CEP95: variants seen among roughly 807,000 people sequenced by gnomAD.
CEP95 encodes the protein centrosomal protein of 95 kDa.
A neutral mutation model predicts 111.2 loss-of-function variants in CEP95; 98 were observed. That is an observed-to-expected ratio of 0.88 (90% CI 0.75 to 1.04). CEP95 has a LOEUF of 1.04. Ranked by LOEUF, CEP95 falls within the 50% of genes least tolerant of loss-of-function variation. The pLI is 0.00. For missense variants in CEP95, 1,027 were observed against 977.2 expected (o/e 1.05, Z -0.68); for synonymous variants, 323 against 327.1 (o/e 0.99, Z 0.14).
intron 5 of CEP95, 66 bp downstream of exon 5, chr17:64,516,894 A>T: frequency 1.1e-6 from 1 of 914,274 alleles, no homozygotes; most frequent in African/African-American, 1.6e-5. Context: ...AATTAAAATC[A>T]CACGTAATAT....
In CEP95 at chr17:64,526,218, A is replaced by G; in HGVS notation, c.1152+18A>G. ...TAGATTGGGCAAGTCTTGTTTTTTC[A>G]TCTATATTGAGATTCCCATGGGTTA... On this transcript the variant is annotated intron_variant, in intron 10 of 19. Transcript: ENST00000556440. 1 of 1,601,098 alleles carries G rather than the reference A, an allele frequency of 6.2e-7. No individual in the cohort carries two copies. Among genetic ancestry groups the G allele is most frequent in the Non-Finnish European group, 8.5e-7 (1 of 1,175,358 alleles).
At chr17:64,507,296 G>T in intron 1 of CEP95, 180 bp downstream of exon 1, 1 of 1,466,384 alleles carries the variant, frequency 6.8e-7, no homozygotes. Context: ...TCGCTTCGAG[G>T]CCGTGGAACA....
In CEP95 at chr17:64,508,754, A is replaced by G. The variant is rs528840858; in HGVS notation, c.148+34A>G. The G allele has an allele frequency of 9.4e-6, 12 of 1,275,694 alleles. No homozygotes were observed. In the South Asian group the frequency reaches 1.3e-4, roughly 14 times the overall value. The allele number at this position is 1,275,694 out of a possible 1,614,324, so 79.0% of individuals were successfully genotyped here. A position where few individuals can be genotyped will look rare whatever the true frequency, so the allele number is the denominator to read the frequency against. ...ACTAAAAGCAGGAGTAATTTTGCCT[A>G]TATCTTAGGCCAAAAGTTTTTAGTC... On this transcript the variant is annotated intron_variant, in intron 2 of 19. Coordinates refer to ENST00000556440, the MANE Select transcript of CEP95 (RefSeq NM_138363.3).
In CEP95 at chr17:64,514,231, C is replaced by T. The variant is rs572838748; in HGVS notation, c.257-17C>T. 2.0e-6 allele frequency: 2 copies of T among 1,012,572 alleles called. No individual in the cohort carries two copies. The highest frequency in any genetic ancestry group is 3.0e-6 in the Non-Finnish European group (2 of 662,810). The allele number at this position is 1,012,572 out of a possible 1,614,324, so 62.7% of individuals were successfully genotyped here. A position where few individuals can be genotyped will look rare whatever the true frequency, so the allele number is the denominator to read the frequency against. On this transcript the variant is annotated splice_polypyrimidine_tract_variant and intron_variant, in intron 3 of 19. Coordinates refer to ENST00000556440, the MANE Select transcript of CEP95 (RefSeq NM_138363.3). Reference sequence around the variant, plus strand: ...TTCATGGTTAAATTTTTTAATAGCTCTATATTCTGTCTCCAGGAGAAAATA... The same window carrying T: ...TTCATGGTTAAATTTTTTAATAGCTTTATATTCTGTCTCCAGGAGAAAATA...
intron 1 of CEP95, 191 bp from the exon 2 acceptor site, chr17:64,508,401 A>G (rs1411173449): frequency 1.0e-6 from 1 of 984,260 alleles, no homozygotes; most frequent in African/African-American, 1.7e-5. Context: ...AATCATCCCA[A>G]GAAATTAAAT....
At chr17:64,518,269 TAG>T (rs1482406128) in intron 5 of CEP95, among the ~76,000 whole-genome samples, 4 of 151,780 alleles carry the variant, frequency 2.6e-5, no homozygotes, top group African/African-American at 7.3e-5. Flanking sequence ...TCCTCTAAAG[TAG>T]AGAGTTTTTT....
intron 3 of CEP95, among the ~76,000 whole-genome samples, chr17:64,511,415 G>A (rs782100266): frequency 1.3e-5 from 2 of 152,144 alleles, no homozygotes; most frequent in Non-Finnish European, 2.9e-5. Flanking sequence ...TCTTTCCCAG[G>A]GATGTTCCTT....
chr17:64,516,560 A>G (rs2039154602), intron 4 of CEP95, among the ~76,000 whole-genome samples, 163 bp from the exon 5 acceptor site: 1 of 152,240 alleles, frequency 6.6e-6, no homozygotes, highest in Non-Finnish European at 1.5e-5. Flanking sequence ...ATACATGCTC[A>G]TTACAGGTGA....
intron 13 of CEP95, among the ~76,000 whole-genome samples, chr17:64,531,508 T>C (rs1968279173): frequency 6.6e-6 from 1 of 152,212 alleles, no homozygotes; most frequent in South Asian, 2.1e-4. Context: ...ACAGTATGGT[T>C]ACAACTAAGC....
At chr17:64,531,632 A>G (rs1256749144) in intron 13 of CEP95, among the ~76,000 whole-genome samples, 2 of 152,186 alleles carry the variant, frequency 1.3e-5, no homozygotes, top group African/African-American at 4.8e-5. Context: ...GTGTGGGACT[A>G]TGGTGACTGA....
chr17:64,531,946 C>T lies in CEP95; in HGVS notation c.1596C>T (p.Pro532=), dbSNP rs782655227. The T allele has an allele frequency of 1.2e-6, 2 of 1,610,622 alleles. No homozygotes were observed. Among genetic ancestry groups the T allele is most frequent in the African/African-American group, 2.7e-5 (2 of 74,660 alleles). ...VRKGTPECSQ[P]WKIYSRKTTT... is the part of the protein sequence containing the mutation. ...AAGGAACTCCAGAATGTAGTCAGCCCTGGAAGATTTACTCTAGAAAAACCA... is the reference window on the plus strand; with the variant it reads ...AAGGAACTCCAGAATGTAGTCAGCCTTGGAAGATTTACTCTAGAAAAACCA... Residue 532 remains proline, a synonymous_variant, in exon 14 of 20, where the codon CCC becomes CCT. Coordinates refer to ENST00000556440, the MANE Select transcript of CEP95 (RefSeq NM_138363.3).
chr17:64,507,698 G>A (rs539523726), intron 1 of CEP95: 19 of 986,154 alleles, frequency 1.9e-5, no homozygotes, highest in Middle Eastern at 5.2e-4. Context: ...CAGTTGTCAT[G>A]GTTTGGCCAG....
Position 64,510,156 on chromosome 17 carries a change from AT to A in CEP95, c.149-11del, listed in dbSNP as rs66540667. The A allele has an allele frequency of 0.08, 119,408 of 1,490,266 alleles. 5,474 individuals carry two copies. The highest frequency in any genetic ancestry group is 0.095 in the Non-Finnish European group (102,951 of 1,079,066). 92.3% of individuals were successfully genotyped at this position (1,490,266 alleles called of 1,614,324 possible). ...CCTCTCATGGATACAAAATTATGTGATTTTTTCCCCCCCCAGACCTCATAGT... is the reference window on the plus strand; with the variant it reads ...CCTCTCATGGATACAAAATTATGTGATTTTTCCCCCCCCAGACCTCATAGT... On this transcript the variant is annotated splice_polypyrimidine_tract_variant and intron_variant, in intron 2 of 19. Coordinates refer to ENST00000556440, the MANE Select transcript of CEP95 (RefSeq NM_138363.3).
chr17:64,512,352 T>C (rs1386570065), intron 3 of CEP95, among the ~76,000 whole-genome samples: 1 of 152,214 alleles, frequency 6.6e-6, no homozygotes, highest in Non-Finnish European at 1.5e-5. Context: ...TGTATACTTT[T>C]TGCACTTGCT....
intron 16 of CEP95, 115 bp from the exon 17 acceptor site, chr17:64,534,470 C>G (rs558948737): frequency 4.3e-6 from 4 of 931,058 alleles, no homozygotes; most frequent in Admixed American, 2.5e-5. Flanking sequence ...ACTGGCCCCC[C>G]ACACGTGACA....
Position 64,507,000 on chromosome 17 carries a change from GT to G in CEP95, c.-97del. On this transcript the variant is annotated 5_prime_UTR_variant, in exon 1 of 20. Coordinates refer to ENST00000556440, the MANE Select transcript of CEP95 (RefSeq NM_138363.3). ...TCCTTCCCCGCGCTTTGGTTCGTGC[GT>G]CCGCGCCCCAGTGTCGGGTCTGCGT... 8 of 1,417,536 alleles carry G rather than the reference GT, an allele frequency of 5.6e-6. No homozygotes were observed. The highest frequency in any genetic ancestry group is 5.8e-6 in the Non-Finnish European group (6 of 1,025,756). The allele number at this position is 1,417,536 out of a possible 1,614,324, so 87.8% of individuals were successfully genotyped here.
chr17:64,507,043 G>A lies in CEP95; in HGVS notation c.-55G>A. On this transcript the variant is annotated 5_prime_UTR_variant, in exon 1 of 20. Coordinates refer to ENST00000556440, the MANE Select transcript of CEP95 (RefSeq NM_138363.3). ...GGTCTGCGTGGATCGGTCCTTCCAG[G>A]ACACCGTCGCCTTCCCGGCCGCGTC... 2 of 1,549,622 alleles carry A rather than the reference G, an allele frequency of 1.3e-6. No individual in the cohort carries two copies. The highest frequency in any genetic ancestry group is 1.7e-6 in the Non-Finnish European group (2 of 1,146,040).
At chr17:64,508,833 C>CT (rs1193014882) in intron 2 of CEP95, 113 bp downstream of exon 2, 2 of 337,250 alleles carry the variant, frequency 5.9e-6, no homozygotes, top group Non-Finnish European at 1.0e-5. Context: ...TTGCTTGTTT[C>CT]TTTTTTTAAT....
At chr17:64,521,354 A>G (rs1555677765) in intron 6 of CEP95, 48 bp from the exon 7 acceptor site, 1 of 1,434,814 alleles carries the variant, frequency 7.0e-7, no homozygotes, top group Non-Finnish European at 9.6e-7. Context: ...ATGTTCAGCA[A>G]ACTATTTTGA....
Sources: allele counts gnomAD v4.1 joint callset (sites outside exome capture counted in the v4.1 genomes callset), GRCh38; gene constraint gnomAD v4.1.1; transcripts MANE v1.5; gene names NCBI Gene and HGNC (gene_info 2026-07-23, HGNC 2026-07-21).